CEP43: variants seen among roughly 807,000 people sequenced by gnomAD.
CEP43 encodes FGFR1 oncogene partner.
A neutral mutation model predicts 52.6 loss-of-function variants in CEP43; 36 were observed. That is an observed-to-expected ratio of 0.68 (90% CI 0.52 to 0.90). The LOEUF (loss-of-function observed/expected upper bound fraction) is 0.90. Among genes scored for constraint, CEP43 ranks in the 40% least tolerant of loss-of-function variants. CEP43 has a pLI of 0.00. For missense variants in CEP43, 506 were observed against 472.8 expected, an observed-to-expected ratio of 1.07 and a Z score of -0.65; for synonymous variants, 192 against 172.4, an observed-to-expected ratio of 1.11 and a Z score of -0.89.
rs1780885037 is a variant in CEP43 at position 167,052,643 on chromosome 6, T to C, written c.*12665T>C. ...AGACTTCATTGCGATAGTCAAATAC[T>C]GTTCCACTTACTGCAGTTGCCTACA... On this transcript the variant is annotated 3_prime_UTR_variant, in exon 13 of 13. Transcript: ENST00000366847. The C allele has an allele frequency of 6.6e-6, 1 of 152,252 alleles. No individual in the cohort carries two copies. Among genetic ancestry groups the C allele is most frequent in the African/African-American group, 2.4e-5 (1 of 41,474 alleles). 9.4% of individuals were successfully genotyped at this position (152,252 alleles called of 1,614,324 possible).
intron 7 of CEP43, among the ~76,000 whole-genome samples, chr6:167,015,723 G>A (rs577180921): frequency 1.3e-5 from 2 of 152,092 alleles, no homozygotes; most frequent in South Asian, 4.1e-4. Flanking sequence ...GAGACCCTTG[G>A]CACTTTCTTC....
chr6:167,007,693 G>A (rs975005352), intron 5 of CEP43, among the ~76,000 whole-genome samples: 4 of 152,306 alleles, frequency 2.6e-5, no homozygotes, highest in Admixed American at 2.6e-4. Context: ...CTAGCTATAG[G>A]TTAAGCTCAC....
chr6:167,021,435 A>T (rs1182776293), intron 7 of CEP43, among the ~76,000 whole-genome samples: 1 of 152,198 alleles, frequency 6.6e-6, no homozygotes, highest in Non-Finnish European at 1.5e-5. Flanking sequence ...GGCCATTTTC[A>T]AGATTCAGTG....
Position 167,041,471 on chromosome 6 carries a change from C to A in CEP43, c.*1493C>A, listed in dbSNP as rs1446737972. The A allele has an allele frequency of 6.6e-6, 7 of 1,059,340 alleles. No homozygotes were observed. Among genetic ancestry groups the A allele is most frequent in the Non-Finnish European group, 8.0e-6 (7 of 875,614 alleles). 65.6% of individuals were successfully genotyped at this position (1,059,340 alleles called of 1,614,324 possible). A position where few individuals can be genotyped will look rare whatever the true frequency, so the allele number is the denominator to read the frequency against. ...CTCTTCATGTCTTAGTAAACAGCACCACGTGCAGATGTAATCTTGTTGCAG... is the reference window on the plus strand; with the variant it reads ...CTCTTCATGTCTTAGTAAACAGCACAACGTGCAGATGTAATCTTGTTGCAG... On this transcript the variant is annotated 3_prime_UTR_variant, in exon 13 of 13. Transcript: ENST00000366847.
chr6:167,023,394 G>A (rs1780283727), intron 8 of CEP43, among the ~76,000 whole-genome samples: 1 of 152,154 alleles, frequency 6.6e-6, no homozygotes, highest in South Asian at 2.1e-4. Context: ...ATACAGAGTG[G>A]CATCATGGTT....
chr6:167,013,209 T>C (rs1780022645), intron 6 of CEP43, among the ~76,000 whole-genome samples: 1 of 152,164 alleles, frequency 6.6e-6, no homozygotes, highest in Non-Finnish European at 1.5e-5. Flanking sequence ...GTGAGGCTTA[T>C]TTAGAATGCT....
chr6:167,002,398 C>G (rs1465682948), intron 2 of CEP43, among the ~76,000 whole-genome samples: 1 of 152,132 alleles, frequency 6.6e-6, no homozygotes, highest in Non-Finnish European at 1.5e-5. Flanking sequence ...TAGGCTGTTT[C>G]CAGTTTTTGA....
At chr6:167,002,435 A>G (rs996618282) in intron 2 of CEP43, among the ~76,000 whole-genome samples, 1 of 152,244 alleles carries the variant, frequency 6.6e-6, no homozygotes, top group Non-Finnish European at 1.5e-5. Context: ...TTCTGTGAAC[A>G]GTCACATACA....
chr6:167,000,259 G>A (rs977038474), intron 2 of CEP43, 146 bp downstream of exon 2: 24 of 580,612 alleles, frequency 4.1e-5, no homozygotes, highest in Non-Finnish European at 6.6e-5. Context: ...TTGAGAGAGA[G>A]CCAAAATTAT....
At chr6:167,003,405 AT>A (rs1217874716) in intron 3 of CEP43, 158 bp downstream of exon 3, 3 of 512,780 alleles carry the variant, frequency 5.9e-6, no homozygotes, top group Non-Finnish European at 1.0e-5. Flanking sequence ...TCGTGTTGCT[AT>A]TACATATTTT....
intron 7 of CEP43, among the ~76,000 whole-genome samples, chr6:167,015,823 A>T (rs1272733721): frequency 6.6e-6 from 1 of 152,160 alleles, no homozygotes; most frequent in Non-Finnish European, 1.5e-5. Context: ...AACTGATGTA[A>T]CTTGGGCAAA....
chr6:167,045,365 C>CT lies in CEP43; in HGVS notation c.*5387_*5388insT, dbSNP rs1018888173. Reference sequence around the variant, plus strand: ...GTGATCCGCACCCCTCCCCGCCCCCCCCGCGGCCCAGCCTCCCAAAGTGCT... The same window carrying CT: ...GTGATCCGCACCCCTCCCCGCCCCCCTCCGCGGCCCAGCCTCCCAAAGTGCT... On this transcript the variant is annotated 3_prime_UTR_variant, in exon 13 of 13. Coordinates refer to ENST00000366847, the MANE Select transcript of CEP43 (RefSeq NM_007045.4). 2 of 151,382 alleles carry CT rather than the reference C, an allele frequency of 1.3e-5. No individual in the cohort carries two copies. The highest frequency in any genetic ancestry group is 1.5e-5 in the Non-Finnish European group (1 of 67,854). 9.4% of individuals were successfully genotyped at this position (151,382 alleles called of 1,614,324 possible).
chr6:167,020,726 T>G (rs1583281114), intron 7 of CEP43, among the ~76,000 whole-genome samples: 1 of 152,070 alleles, frequency 6.6e-6, no homozygotes, highest in African/African-American at 2.4e-5. Flanking sequence ...GTGGCCAACA[T>G]GTTGAAACCC....
In CEP43 at chr6:167,051,372, CTAAACTA is replaced by C. The variant is rs973092333; in HGVS notation, c.*11405_*11411del. 5.9e-5 allele frequency: 9 copies of C among 152,200 alleles called. No individual in the cohort carries two copies. The highest frequency in any genetic ancestry group is 1.9e-4 in the African/African-American group (8 of 41,452). The allele number at this position is 152,200 out of a possible 1,614,324, so 9.4% of individuals were successfully genotyped here. ...TTTTGGGGGGCAGGGCTATTATCAT[CTAAACTA>C]TAAACTATAATCGTTTGTCCCAAAG... On this transcript the variant is annotated 3_prime_UTR_variant, in exon 13 of 13. Transcript: ENST00000366847.
rs761705444 is a variant in CEP43, at chr6:167,033,858, T to C, written c.1029-17T>C. On this transcript the variant is annotated splice_polypyrimidine_tract_variant and intron_variant, in intron 11 of 12. Coordinates refer to ENST00000366847, the MANE Select transcript of CEP43 (RefSeq NM_007045.4). ...TATTTTCAGAGTTCTTATTTTTTTT[T>C]CCCCTTCTGAAATTAGTACCAGCCA... 7 of 1,297,114 alleles carry C rather than the reference T, an allele frequency of 5.4e-6. No individual in the cohort carries two copies. The highest frequency in any genetic ancestry group is 1.3e-5 in the South Asian group (1 of 77,140). The allele number at this position is 1,297,114 out of a possible 1,614,324, so 80.4% of individuals were successfully genotyped here.
chr6:167,036,694 T>C, intron 12 of CEP43: 1 of 983,710 alleles, frequency 1.0e-6, no homozygotes, highest in Non-Finnish European at 1.2e-6. Context: ...GTTTTAGATA[T>C]TTTTATTTTG....
chr6:167,038,801 T>C (rs1780633761), intron 12 of CEP43, among the ~76,000 whole-genome samples: 1 of 152,164 alleles, frequency 6.6e-6, no homozygotes, highest in South Asian at 2.1e-4. Context: ...ATTTTTAGTT[T>C]TTTATTTCTT....
Position 167,051,915 on chromosome 6 carries a change from C to T in CEP43, c.*11937C>T, listed in dbSNP as rs947974552. 6.6e-6 allele frequency: 1 copy of T among 152,112 alleles called. No homozygotes were observed. Among genetic ancestry groups the T allele is most frequent in the Non-Finnish European group, 1.5e-5 (1 of 68,028 alleles). 9.4% of individuals were successfully genotyped at this position (152,112 alleles called of 1,614,324 possible). ...TTTTGATTGGATTGTTTAATTCATT[C>T]ATTTTTAGTGTTACTATTGATATGG... is the stretch of plus-strand genomic sequence containing the variant. On this transcript the variant is annotated 3_prime_UTR_variant, in exon 13 of 13. Transcript: ENST00000366847.
chr6:167,022,358 T>TTA, intron 7 of CEP43, 51 bp from the exon 8 acceptor site: 3 of 1,306,198 alleles, frequency 2.3e-6, no homozygotes, highest in Middle Eastern at 3.7e-4. Context: ...TGAAAATATC[T>TTA]TAAAGTTTTA....
Sources: gnomAD v4.1 joint callset for allele counts (sites outside exome capture counted in the v4.1 genomes callset) on GRCh38, gnomAD v4.1.1 for gene constraint, MANE v1.5 for transcripts, NCBI Gene and HGNC (gene_info 2026-07-23, HGNC 2026-07-21) for gene names.